The following XKR6 variants were observed in gnomAD, a reference collection of about 807,000 sequenced individuals.
The protein encoded by XKR6 is XK-related protein 6.
Under a neutral mutation model 56.7 loss-of-function variants are expected in XKR6, and 22 were observed. That is an observed-to-expected ratio of 0.39 (90% confidence interval 0.28 to 0.55). The LOEUF (loss-of-function observed/expected upper bound fraction) is 0.55. Among genes scored for constraint, XKR6 ranks in the 20% least tolerant of loss-of-function variants. XKR6 has a pLI of 0.66. For missense variants in XKR6, 852 were observed against 889.0 expected, an observed-to-expected ratio of 0.96 and a Z score of 0.53; for synonymous variants, 524 against 387.8, an observed-to-expected ratio of 1.35 and a Z score of -4.13.
chr8:11,171,482 G>C (rs1802364841), intron 1 of XKR6, among the ~76,000 whole-genome samples: 1 of 152,202 alleles, frequency 6.6e-6, no homozygotes, highest in Non-Finnish European at 1.5e-5. Context: ...TTTGGGTCAT[G>C]GGGGCAGATG....
chr8:11,160,942 G>A (rs1056519528), intron 1 of XKR6, among the ~76,000 whole-genome samples: 165 of 135,086 alleles, frequency 1.2e-3, no homozygotes, highest in African/African-American at 4.1e-3. Flanking sequence ...GAAAAAAAAA[G>A]GGTTCACACA....
At chr8:11,056,901 CA>C (rs1007469453) in intron 1 of XKR6, among the ~76,000 whole-genome samples, 9 of 152,152 alleles carry the variant, frequency 5.9e-5, no homozygotes, top group African/African-American at 2.2e-4. Context: ...TCTCACCCTT[CA>C]GGTCTCTAGT....
At chr8:10,927,847 G>A (rs75200307) in intron 1 of XKR6, among the ~76,000 whole-genome samples, 5 of 152,222 alleles carry the variant, frequency 3.3e-5, no homozygotes, top group African/African-American at 9.6e-5. Flanking sequence ...GCAAGCAGAC[G>A]TTGGGGCCTA....
intron 1 of XKR6, among the ~76,000 whole-genome samples, chr8:11,020,322 C>G (rs1445084326): frequency 1.3e-5 from 2 of 152,238 alleles, no homozygotes; most frequent in African/African-American, 4.8e-5. Context: ...TCCTGTCACT[C>G]AGCCATCCCT....
At chr8:11,117,210 C>T (rs529658391) in intron 1 of XKR6, among the ~76,000 whole-genome samples, 1 of 152,344 alleles carries the variant, frequency 6.6e-6, no homozygotes, top group East Asian at 1.9e-4. Context: ...CCATGATACA[C>T]TAGGGGTGAA....
At chr8:11,158,576 T>C (rs186429166) in intron 1 of XKR6, among the ~76,000 whole-genome samples, 11 of 152,310 alleles carry the variant, frequency 7.2e-5, no homozygotes, top group East Asian at 1.9e-4. Context: ...TTAGTCGCCA[T>C]TGAGACCCTG....
At chr8:11,197,995 G>A (rs1291633566) in intron 1 of XKR6, among the ~76,000 whole-genome samples, 3 of 152,074 alleles carry the variant, frequency 2.0e-5, no homozygotes, top group African/African-American at 7.2e-5. Context: ...TTAGAGATGC[G>A]GCCCAAACCA....
rs759999229 is a variant in XKR6 at position 11,201,217 on chromosome 8, G to A, written c.123C>T (p.Gly41=). Residue 41 remains glycine (G), a synonymous_variant, in exon 1 of 3, where the codon GGC becomes GGT. Transcript: ENST00000416569. ...DGEPGGGGCG[G]GGDGSEPGES... ...CGCCGGGCTCGCTGCCGTCGCCGCC[G>A]CCGCCGCAGCCGCCTCCCCCGGGCT... 7 of 1,535,528 alleles carry A rather than the reference G, an allele frequency of 4.6e-6. No individual in the cohort carries two copies. In the African/African-American group the frequency reaches 6.9e-5, roughly 15 times the overall value.
At chr8:11,171,063 C>T (rs569640870) in intron 1 of XKR6, among the ~76,000 whole-genome samples, 1 of 152,304 alleles carries the variant, frequency 6.6e-6, no homozygotes, top group South Asian at 2.1e-4. Context: ...AAATGTTTCA[C>T]CATCTTTATA....
At chr8:11,008,070 G>A (rs1005723987) in intron 1 of XKR6, among the ~76,000 whole-genome samples, 7 of 152,178 alleles carry the variant, frequency 4.6e-5, no homozygotes, top group African/African-American at 1.7e-4. Flanking sequence ...ACAGGGGCAA[G>A]GCAGTGAAGG....
At chr8:11,155,687 G>T (rs987250706) in intron 1 of XKR6, among the ~76,000 whole-genome samples, 1 of 152,164 alleles carries the variant, frequency 6.6e-6, no homozygotes, top group Non-Finnish European at 1.5e-5. Context: ...ATCACTTGCA[G>T]AGACACTGGC....
chr8:11,062,459 C>T (rs1347653451), intron 1 of XKR6, among the ~76,000 whole-genome samples: 1 of 152,172 alleles, frequency 6.6e-6, no homozygotes, highest in Admixed American at 6.5e-5. Context: ...AAATCAAATG[C>T]ACACACACCA....
chr8:11,177,643 C>T (rs1031556619), intron 1 of XKR6, among the ~76,000 whole-genome samples: 1 of 152,214 alleles, frequency 6.6e-6, no homozygotes, highest in African/African-American at 2.4e-5. Flanking sequence ...GACATACACG[C>T]AGAGGGAAAA....
chr8:11,032,528 T>C (rs1475334530), intron 1 of XKR6, among the ~76,000 whole-genome samples: 1 of 151,970 alleles, frequency 6.6e-6, no homozygotes, highest in Non-Finnish European at 1.5e-5. Context: ...TTTGTGAACA[T>C]GAAAAAAATG....
At chr8:11,033,952 G>C (rs1372356101) in intron 1 of XKR6, among the ~76,000 whole-genome samples, 1 of 152,224 alleles carries the variant, frequency 6.6e-6, no homozygotes, top group Non-Finnish European at 1.5e-5. Context: ...GGCCAGCCAG[G>C]AATGGCAGAG....
At chr8:11,197,452 A>G (rs1803951695) in intron 1 of XKR6, among the ~76,000 whole-genome samples, 1 of 152,238 alleles carries the variant, frequency 6.6e-6, no homozygotes, top group Non-Finnish European at 1.5e-5. Context: ...ACCCTCCAAG[A>G]AAATGCTCTC....
At chr8:11,020,289 G>A (rs1174467472) in intron 1 of XKR6, among the ~76,000 whole-genome samples, 7 of 152,244 alleles carry the variant, frequency 4.6e-5, no homozygotes, top group African/African-American at 4.8e-5. Context: ...TGTGCATCCC[G>A]ACACGGAAGC....
intron 1 of XKR6, among the ~76,000 whole-genome samples, chr8:11,167,318 G>C (rs1802129177): frequency 6.6e-6 from 1 of 152,186 alleles, no homozygotes; most frequent in Non-Finnish European, 1.5e-5. Flanking sequence ...CCAGTGTGAT[G>C]GCAGCCCATA....
intron 1 of XKR6, among the ~76,000 whole-genome samples, chr8:11,043,322 C>A (rs1029141351): frequency 2.0e-5 from 3 of 152,104 alleles, no homozygotes; most frequent in East Asian, 1.9e-4. Context: ...AGGAACTCAG[C>A]TCACATGCTT....
Sources: gnomAD v4.1 joint callset for allele counts (sites outside exome capture counted in the v4.1 genomes callset) on GRCh38, gnomAD v4.1.1 for gene constraint, MANE v1.5 for transcripts, NCBI Gene and HGNC (gene_info 2026-07-23, HGNC 2026-07-21) for gene names.